The following DPH6 variants were observed in gnomAD, a reference collection of about 807,000 sequenced individuals.
DPH6 encodes the protein diphthamine biosynthesis 6.
DPH6 carries 33 observed loss-of-function variants against 38.2 expected under a neutral mutation model. The observed-to-expected ratio is 0.86, with a 90% confidence interval of 0.65 to 1.15. The LOEUF is 1.15. Among genes scored for constraint, DPH6 ranks in the 50% most tolerant of loss-of-function variants. The pLI is 0.00. For missense variants in DPH6, 325 were observed against 320.0 expected, an observed-to-expected ratio of 1.02 and a Z score of -0.12; for synonymous variants, 108 against 103.0, an observed-to-expected ratio of 1.05 and a Z score of -0.30.
chr15:35,405,066 C>T (rs2053273738), intron 6 of DPH6, among the ~76,000 whole-genome samples: 1 of 150,864 alleles, frequency 6.6e-6, no homozygotes, highest in African/African-American at 2.4e-5. Flanking sequence ...GTTCTCTATC[C>T]TGTTCCATTG....
In DPH6 at chr15:35,260,556, AAG is replaced by A. The variant is rs1344813002; in HGVS notation, n.201-39976_201-39975del. 9.2e-5 allele frequency among the ~76,000 whole-genome samples: 14 copies of A among 151,624 alleles called. No individual in the cohort carries two copies. In the South Asian group the frequency reaches 1.5e-3, roughly 16 times the overall value. On this transcript the variant is annotated intron_variant and non_coding_transcript_variant, in intron 3 of 3. Transcript: ENST00000560386. ...AATATTATTAGATAATATTAAACTT[AAG>A]TAATCTGAAGACTTCATTTATAAAA...
intron 3 of DPH6, among the ~76,000 whole-genome samples, chr15:35,358,176 G>T (rs935171068): frequency 6.6e-6 from 1 of 152,070 alleles, no homozygotes; most frequent in Non-Finnish European, 1.5e-5. Context: ...CTATTGCTGA[G>T]ACTTTCCAGA....
chr15:35,298,651 C>T lies in DPH6; in HGVS notation n.200+74870G>A, dbSNP rs2052031597. ...TGCCACCAAGCTTGCTGGTCTTCTC[C>T]ACCGAAAAGGCGGTGCTCAGCCCCT... On this transcript the variant is annotated intron_variant and non_coding_transcript_variant, in intron 3 of 3. Coordinates refer to the DPH6 transcript ENST00000560386. 8.2e-6 allele frequency: 10 copies of T among 1,223,766 alleles called. No individual in the cohort carries two copies. The Admixed American group carries it at 1.7e-4, about 21-fold the overall frequency. 75.8% of individuals were successfully genotyped at this position (1,223,766 alleles called of 1,614,324 possible).
At chr15:35,338,617 A>G (rs955399356) in intron 3 of DPH6, among the ~76,000 whole-genome samples, 82 of 152,242 alleles carry the variant, frequency 5.4e-4, no homozygotes, top group Non-Finnish European at 7.4e-4. Context: ...TGTGGAAGTC[A>G]GTGTGGCGAT....
intron 5 of DPH6, among the ~76,000 whole-genome samples, chr15:35,422,539 A>G (rs867527853): frequency 1.2e-4 from 18 of 151,952 alleles, no homozygotes; most frequent in Admixed American, 2.6e-4. Flanking sequence ...TAACATACCC[A>G]TCTCCTCACA....
the DPH6 span, among the ~76,000 whole-genome samples, chr15:35,209,123 A>G: frequency 6.6e-6 from 1 of 152,158 alleles, no homozygotes; most frequent in East Asian, 1.9e-4. Context: ...AGAAGATAAA[A>G]GATTTTTGTT....
At chr15:35,382,699 A>C (rs2052887963) in intron 6 of DPH6, among the ~76,000 whole-genome samples, 1 of 152,178 alleles carries the variant, frequency 6.6e-6, no homozygotes, top group African/African-American at 2.4e-5. Flanking sequence ...AGTCACATAC[A>C]TGTTTATTAT....
At chr15:35,458,659 A>G (rs1421363683) in intron 3 of DPH6, among the ~76,000 whole-genome samples, 1 of 152,228 alleles carries the variant, frequency 6.6e-6, no homozygotes, top group East Asian at 1.9e-4. Context: ...ATGTACTGAG[A>G]CAGCATAAAG....
intron 3 of DPH6, among the ~76,000 whole-genome samples, chr15:35,478,764 A>G (rs901014109): frequency 6.6e-6 from 1 of 151,996 alleles, no homozygotes; most frequent in Non-Finnish European, 1.5e-5. Context: ...CAGTTAAAAT[A>G]ATACATATTA....
intron 8 of DPH6, 133 bp from the exon 9 acceptor site, chr15:35,372,336 AT>A: frequency 1.3e-6 from 1 of 758,124 alleles, no homozygotes; most frequent in Non-Finnish European, 1.9e-6. Flanking sequence ...AGGTAACAGT[AT>A]TGCTTCTTTG....
chr15:35,538,392 A>T lies in DPH6; in HGVS notation c.194T>A (p.Met65Lys). The T allele has an allele frequency of 6.2e-7, 1 of 1,610,776 alleles. No homozygotes were observed. Among genetic ancestry groups the T allele is most frequent in the Non-Finnish European group, 8.5e-7 (1 of 1,177,588 alleles). Residue 65 changes from methionine (M) to lysine (K), a missense_variant, in exon 3 of 9, where the codon ATG (methionine) becomes AAG (lysine). Physicochemically the swap from Met to Lys is moderately conservative, Grantham distance 95. Coordinates refer to ENST00000256538, the MANE Select transcript of DPH6 (RefSeq NM_080650.4). Reference protein sequence around the residue: ...HHAIDLYAEAMALPLYRRTIR... With the variant: ...HHAIDLYAEAKALPLYRRTIR... ...GGTTCGGCGATAGAGGGGAAGAGCC[A>T]TTGCTTCTGCATACAAGTCAATGGC... is the stretch of plus-strand genomic sequence containing the variant.
At chr15:35,352,215 G>T (rs1336485166) in intron 3 of DPH6, among the ~76,000 whole-genome samples, 1 of 151,738 alleles carries the variant, frequency 6.6e-6, no homozygotes, top group African/African-American at 2.4e-5. Context: ...TTGTATTATT[G>T]CTTAGCTTTT....
chr15:35,452,876 T>A (rs999505308), intron 4 of DPH6, among the ~76,000 whole-genome samples: 1 of 152,120 alleles, frequency 6.6e-6, no homozygotes, highest in African/African-American at 2.4e-5. Context: ...GGTTAAAAAA[T>A]TTTACTTAAG....
At chr15:35,456,318 G>A (rs778962152) in intron 3 of DPH6, among the ~76,000 whole-genome samples, 1 of 151,714 alleles carries the variant, frequency 6.6e-6, no homozygotes, top group Non-Finnish European at 1.5e-5. Context: ...ATATCATATA[G>A]ATGTTTATCT....
the DPH6 span, among the ~76,000 whole-genome samples, chr15:35,182,143 G>A: frequency 3.9e-3 from 585 of 148,960 alleles, 3 homozygotes; most frequent in African/African-American, 0.014. Context: ...GGAATTCATG[G>A]CTAATTTTAC....
At chr15:35,156,019 A>G in the DPH6 span, among the ~76,000 whole-genome samples, 2 of 152,118 alleles carry the variant, frequency 1.3e-5, no homozygotes, top group Non-Finnish European at 2.9e-5. Context: ...ATATTCTTTC[A>G]CCTCTGATGA....
At chr15:35,239,269 C>G (rs1354447423) in intron 3 of DPH6, among the ~76,000 whole-genome samples, 1 of 143,862 alleles carries the variant, frequency 7.0e-6, no homozygotes, top group East Asian at 2.2e-4. Context: ...ACCTCTTTCT[C>G]CTTTCAATCT....
the DPH6 span, among the ~76,000 whole-genome samples, chr15:35,159,989 T>TAA: frequency 5.3e-5 from 8 of 151,920 alleles, no homozygotes; most frequent in Non-Finnish European, 1.2e-4. Context: ...TATAAGGAGC[T>TAA]AAACATTGAG....
intron 3 of DPH6, among the ~76,000 whole-genome samples, chr15:35,320,655 G>A (rs942056579): frequency 3.3e-5 from 5 of 152,042 alleles, no homozygotes; most frequent in Non-Finnish European, 5.9e-5. Flanking sequence ...GGTTCCTTTC[G>A]TTTTGCAGAA....
Sources: gnomAD v4.1 joint callset for allele counts (sites outside exome capture counted in the v4.1 genomes callset) on GRCh38, gnomAD v4.1.1 for gene constraint, MANE v1.5 for transcripts, NCBI Gene and HGNC (gene_info 2026-07-23, HGNC 2026-07-21) for gene names.